The following CCDC7 variants were observed in gnomAD, a reference collection of about 807,000 sequenced individuals.
The protein encoded by CCDC7 is coiled-coil domain containing 7.
A neutral mutation model predicts 196.9 loss-of-function variants in CCDC7; 183 were observed. That is an observed-to-expected ratio of 0.93 (90% CI 0.82 to 1.05). The LOEUF (loss-of-function observed/expected upper bound fraction) is 1.05. Ranked by LOEUF, CCDC7 falls within the 50% of genes least tolerant of loss-of-function variation. The probability of loss-of-function intolerance (pLI) is 0.00; values close to 1 mark genes in which losing one functional copy is unlikely to be tolerated. For synonymous variants in CCDC7, 525 were observed against 484.6 expected (o/e 1.08, Z -1.10); for missense variants, 1,540 against 1,482.2 (o/e 1.04, Z -0.64).
At chr10:32,840,301 T>G (rs2092896497) in intron 33 of CCDC7, among the ~76,000 whole-genome samples, 1 of 151,884 alleles carries the variant, frequency 6.6e-6, no homozygotes, top group Non-Finnish European at 1.5e-5. Flanking sequence ...TAAGCTCAAT[T>G]AGAAATGAAA....
intron 11 of CCDC7, among the ~76,000 whole-genome samples, chr10:32,528,199 C>A (rs1326524150): frequency 6.6e-6 from 1 of 152,020 alleles, no homozygotes; most frequent in Non-Finnish European, 1.5e-5. Flanking sequence ...TGACAGGATT[C>A]CATCCTTTTT....
chr10:32,589,983 A>G (rs982067812), intron 18 of CCDC7, among the ~76,000 whole-genome samples: 7 of 152,006 alleles, frequency 4.6e-5, no homozygotes, highest in African/African-American at 1.7e-4. Context: ...TCAACCAATC[A>G]TTGGATATTG....
intron 25 of CCDC7, among the ~76,000 whole-genome samples, chr10:32,721,855 A>G (rs2082457714): frequency 6.6e-6 from 1 of 152,090 alleles, no homozygotes; most frequent in African/African-American, 2.4e-5. Context: ...AGGGACATGG[A>G]TATTGAAAAG....
intron 18 of CCDC7, among the ~76,000 whole-genome samples, chr10:32,609,843 C>T (rs2061913545): frequency 6.6e-6 from 1 of 152,166 alleles, no homozygotes; most frequent in African/African-American, 2.4e-5. Flanking sequence ...TGGGCCTGCT[C>T]CATCTTCAAC....
intron 11 of CCDC7, among the ~76,000 whole-genome samples, chr10:32,519,231 G>A (rs189340926): frequency 1.4e-3 from 214 of 152,204 alleles, no homozygotes; most frequent in Middle Eastern, 0.014. Flanking sequence ...TGCCAAATAG[G>A]AATAGAACAT....
intron 18 of CCDC7, among the ~76,000 whole-genome samples, chr10:32,603,097 C>A (rs2061229854): frequency 6.6e-6 from 1 of 152,042 alleles, no homozygotes; most frequent in Non-Finnish European, 1.5e-5. Flanking sequence ...AATGTCGCTT[C>A]ATTCTCCCAC....
intron 11 of CCDC7, among the ~76,000 whole-genome samples, chr10:32,542,934 G>A (rs1022700727): frequency 6.6e-6 from 1 of 151,998 alleles, no homozygotes; most frequent in Admixed American, 6.6e-5. Context: ...CACCAACAAG[G>A]TTTTTGCAAG....
chr10:32,705,489 G>A (rs1342030600), intron 24 of CCDC7, among the ~76,000 whole-genome samples: 5 of 152,030 alleles, frequency 3.3e-5, no homozygotes, highest in African/African-American at 1.2e-4. Flanking sequence ...AAATGTAAAT[G>A]GGCTAAATGC....
At chr10:32,640,771 T>C (rs1374007623) in intron 20 of CCDC7, among the ~76,000 whole-genome samples, 1 of 152,114 alleles carries the variant, frequency 6.6e-6, no homozygotes, top group Non-Finnish European at 1.5e-5. Context: ...CTTATGAAGC[T>C]TAGTTTGGCT....
chr10:32,861,033 C>T (rs2093960068), intron 41 of CCDC7, among the ~76,000 whole-genome samples: 1 of 145,314 alleles, frequency 6.9e-6, no homozygotes, highest in South Asian at 2.2e-4. Flanking sequence ...CTACCATTGA[C>T]TTTCTTCACA....
At position 32,533,400 on chromosome 10, in the gene CCDC7, A is replaced by C. The variant is rs2049999351; in HGVS notation, c.994-9900A>C. Reference sequence around the variant, plus strand: ...TTATTTTTGATAGACTTGTCTTTGGACTTCATAATAGATTTATGAGCAAAT... The same window carrying C: ...TTATTTTTGATAGACTTGTCTTTGGCCTTCATAATAGATTTATGAGCAAAT... On this transcript the variant is annotated intron_variant, in intron 11 of 41. Transcript: ENST00000639629. Among the ~76,000 whole-genome samples, 3 of 152,220 alleles carry C rather than the reference A, an allele frequency of 2.0e-5. No homozygotes were observed. In the South Asian group the frequency reaches 6.2e-4, roughly 32 times the overall value.
intron 3 of CCDC7, among the ~76,000 whole-genome samples, chr10:32,459,168 T>G (rs935773211): frequency 6.6e-6 from 1 of 152,210 alleles, no homozygotes; most frequent in African/African-American, 2.4e-5. Context: ...TATTCATTAA[T>G]TCTAAGAAGT....
chr10:32,449,536 C>T (rs764841776), upstream of CCDC7, among the ~76,000 whole-genome samples: 22 of 151,966 alleles, frequency 1.4e-4, no homozygotes, highest in Non-Finnish European at 2.5e-4. Flanking sequence ...TTGTTTTGGC[C>T]TGTGAGCTCA....
intron 11 of CCDC7, among the ~76,000 whole-genome samples, chr10:32,539,415 T>C (rs535655502): frequency 7.2e-4 from 109 of 152,284 alleles, no homozygotes; most frequent in African/African-American, 2.4e-3. Context: ...CAGGATCTTC[T>C]CTCTGTTTTT....
At chr10:32,858,846 T>G (rs1356665153) in intron 41 of CCDC7, among the ~76,000 whole-genome samples, 1 of 151,866 alleles carries the variant, frequency 6.6e-6, no homozygotes, top group East Asian at 1.9e-4. Flanking sequence ...GGTAAAAGGA[T>G]CAAAGCAACA....
At chr10:32,819,885 A>C (rs1334982088) in intron 31 of CCDC7, among the ~76,000 whole-genome samples, 3 of 152,174 alleles carry the variant, frequency 2.0e-5, no homozygotes, top group African/African-American at 7.2e-5. Context: ...AACTGGAAGC[A>C]TTCCCTTTGA....
chr10:32,652,155 A>G (rs1054704989), intron 20 of CCDC7, among the ~76,000 whole-genome samples: 3 of 152,176 alleles, frequency 2.0e-5, no homozygotes, highest in South Asian at 2.1e-4. Flanking sequence ...GCCCTTTATC[A>G]TAATATAATG....
intron 18 of CCDC7, among the ~76,000 whole-genome samples, chr10:32,633,206 C>T (rs554468091): frequency 3.6e-4 from 20 of 56,162 alleles, no homozygotes; most frequent in African/African-American, 1.0e-3. Context: ...AGTTTGCGCG[C>T]GTGCACGCAC....
At position 32,620,904 on chromosome 10, in the gene CCDC7, T is replaced by A. The variant is rs146417582; in HGVS notation, c.1802-13350T>A. On this transcript the variant is annotated intron_variant, in intron 18 of 41. Transcript: ENST00000639629. ...ATATGGTATGCAGAGTTTTAGTGTC[T>A]TCATAGCCAAAATAATACCATTAAG... 4.9e-3 allele frequency among the ~76,000 whole-genome samples: 743 copies of A among 152,330 alleles called. 1 individual carries two copies. Among genetic ancestry groups the A allele is most frequent in the Non-Finnish European group, 7.8e-3 (533 of 68,024 alleles).
Sources: gnomAD v4.1 joint callset for allele counts (sites outside exome capture counted in the v4.1 genomes callset) on GRCh38, gnomAD v4.1.1 for gene constraint, MANE v1.5 for transcripts, NCBI Gene and HGNC (gene_info 2026-07-23, HGNC 2026-07-21) for gene names.